The following STRBP variants were observed in gnomAD, a reference collection of about 807,000 sequenced individuals.
STRBP encodes spermatid perinuclear RNA binding protein.
In STRBP, 13 loss-of-function variants were observed where a neutral mutation model predicts 80.1. The observed-to-expected ratio is 0.16, with a 90% CI of 0.11 to 0.26. The LOEUF (loss-of-function observed/expected upper bound fraction) is 0.26, where lower values mean the gene tolerates loss of function less well. Ranked by LOEUF, STRBP falls within the 10% of genes least tolerant of loss-of-function variation. The probability of loss-of-function intolerance (pLI) is 1.00; values close to 1 mark genes in which losing one functional copy is unlikely to be tolerated. For synonymous variants in STRBP, 284 were observed against 291.2 expected, an observed-to-expected ratio of 0.98 and a Z score of 0.25; for missense variants, 485 against 815.2, an observed-to-expected ratio of 0.59 and a Z score of 4.93.
In STRBP at chr9:123,122,455, A is replaced by G; in HGVS notation, c.*3142T>C. On this transcript the variant is annotated 3_prime_UTR_variant, in exon 19 of 19. Transcript: ENST00000348403. ...CACCCAAAATTAAAAAAAAAAAAAA[A>G]AAGAAAAGGCCAATACCAGCAAAAT... The G allele has an allele frequency of 8.2e-7, 1 of 1,217,142 alleles. No homozygotes were observed. The highest frequency in any genetic ancestry group is 1.0e-6 in the Non-Finnish European group (1 of 961,270). The allele number at this position is 1,217,142 out of a possible 1,614,324, so 75.4% of individuals were successfully genotyped here. A position where few individuals can be genotyped will look rare whatever the true frequency, so the allele number is the denominator to read the frequency against.
intron 14 of STRBP, among the ~76,000 whole-genome samples, chr9:123,138,625 C>T (rs1428731992): frequency 6.6e-6 from 1 of 152,166 alleles, no homozygotes; most frequent in East Asian, 1.9e-4. Context: ...CTCACAACCC[C>T]TTCCTCCTTC....
chr9:123,189,202 C>A (rs1405843575), intron 2 of STRBP, among the ~76,000 whole-genome samples: 5 of 150,622 alleles, frequency 3.3e-5, no homozygotes, highest in Non-Finnish European at 7.4e-5. Flanking sequence ...AGCAAACTAT[C>A]GCAAGGACAG....
intron 1 of STRBP, among the ~76,000 whole-genome samples, chr9:123,237,946 G>A (rs1378987558): frequency 6.6e-6 from 1 of 152,188 alleles, no homozygotes; most frequent in Non-Finnish European, 1.5e-5. Flanking sequence ...AAGTCAGATT[G>A]CCTGGGTTCA....
chr9:123,200,571 T>C (rs2039279731), intron 2 of STRBP, among the ~76,000 whole-genome samples: 1 of 135,836 alleles, frequency 7.4e-6, no homozygotes, highest in East Asian at 2.2e-4. Context: ...TTTTTTTGTC[T>C]TTTTTTTTTT....
chr9:123,217,837 G>A lies in STRBP; in HGVS notation c.-165+18993C>T, dbSNP rs185072958. Among the ~76,000 whole-genome samples the A allele has an allele frequency of 2.2e-4, 33 of 152,254 alleles. No individual in the cohort carries two copies. In the East Asian group the frequency reaches 4.2e-3, roughly 20 times the overall value. ...CCACACTGGCTTCTCTGCCACATAC[G>A]TTTGCTTTTCAACTTCTTAAAGATT... On this transcript the variant is annotated intron_variant, in intron 2 of 18. Coordinates refer to ENST00000348403, the MANE Select transcript of STRBP (RefSeq NM_018387.5).
At chr9:123,193,588 A>G (rs1182431450) in intron 2 of STRBP, among the ~76,000 whole-genome samples, 8 of 152,124 alleles carry the variant, frequency 5.3e-5, no homozygotes, top group Admixed American at 5.2e-4. Context: ...CCCTTCTAAA[A>G]TTCAGGCTTC....
rs562786240 is a variant in STRBP at position 123,179,028 on chromosome 9, T to C, written c.203A>G (p.Glu68Gly). ...TEGETEVKKD[E>G]AGENYSKDQG... ...TCACTTGGAATAGTTTTCTCCGGCC[T>C]CATCTTTCTTCACTTCTGTCTCACC... Residue 68 changes from glutamate (E) to glycine (G), a missense_variant, in exon 4 of 19, where the codon GAG becomes GGG. Coordinates refer to ENST00000348403, the MANE Select transcript of STRBP (RefSeq NM_018387.5). 1 of 1,614,096 alleles carries C rather than the reference T, an allele frequency of 6.2e-7. No homozygotes were observed. The highest frequency in any genetic ancestry group is 1.1e-5 in the South Asian group (1 of 91,070).
intron 13 of STRBP, among the ~76,000 whole-genome samples, chr9:123,142,547 G>T (rs1392359346): frequency 1.3e-5 from 2 of 152,140 alleles, no homozygotes; most frequent in African/African-American, 4.8e-5. Flanking sequence ...CCTGCTCTGA[G>T]CAAGAATCCT....
At chr9:123,119,738 G>A (rs116908184), downstream of STRBP, among the ~76,000 whole-genome samples, 26 of 152,182 alleles carry the variant, frequency 1.7e-4, no homozygotes, top group East Asian at 4.3e-3. Context: ...AACATTCACT[G>A]AGTACGTACT....
rs535047962 is a variant in STRBP, at chr9:123,241,111, G to A, written c.-301-4145C>T. 9.7e-4 allele frequency among the ~76,000 whole-genome samples: 147 copies of A among 151,548 alleles called. 1 individual carries two copies. The highest frequency in any genetic ancestry group is 1.2e-3 in the Non-Finnish European group (84 of 67,890). On this transcript the variant is annotated intron_variant, in intron 1 of 18. Transcript: ENST00000348403. ...GGAGAATCACTTGAACCCAGGTGGC[G>A]GAGGTTGCGGTGAGCCAAGATCACA...
chr9:123,212,885 T>A (rs1032117525), intron 2 of STRBP, among the ~76,000 whole-genome samples: 1 of 152,228 alleles, frequency 6.6e-6, no homozygotes, highest in South Asian at 2.1e-4. Flanking sequence ...AGGGCCAGAC[T>A]CATAAATTTT....
chr9:123,267,464 C>T (rs2041294769), intron 1 of STRBP, among the ~76,000 whole-genome samples: 1 of 151,770 alleles, frequency 6.6e-6, no homozygotes, highest in South Asian at 2.1e-4. Flanking sequence ...CCCTGAGCAC[C>T]AGATACCTGC....
At chr9:123,200,122 A>G (rs2039260279) in intron 2 of STRBP, among the ~76,000 whole-genome samples, 1 of 152,106 alleles carries the variant, frequency 6.6e-6, no homozygotes, top group South Asian at 2.1e-4. Context: ...TTCTGCATCT[A>G]TTGAGATGAT....
chr9:123,168,643 C>A (rs927956825), intron 6 of STRBP, among the ~76,000 whole-genome samples: 1 of 152,116 alleles, frequency 6.6e-6, no homozygotes, highest in African/African-American at 2.4e-5. Context: ...AGCAATGGGA[C>A]TTGTTGAAAG....
chr9:123,200,762 T>TTTTTTTTTTTTTTTTTTTTA (rs1554762956), intron 2 of STRBP, among the ~76,000 whole-genome samples: 1 of 133,486 alleles, frequency 7.5e-6, no homozygotes, highest in African/African-American at 2.9e-5. Context: ...TTTTTTTTTT[T>TTTTTTTTTTTTTTTTTTTTA]AGTAGAGACC....
intron 2 of STRBP, among the ~76,000 whole-genome samples, chr9:123,188,174 T>C (rs138149326): frequency 5.5e-4 from 84 of 152,336 alleles, no homozygotes; most frequent in Non-Finnish European, 1.1e-3. Flanking sequence ...ATTTAAGGTT[T>C]CTCCATCTTT....
intron 1 of STRBP, among the ~76,000 whole-genome samples, chr9:123,240,909 G>C (rs2040680224): frequency 6.6e-6 from 1 of 152,194 alleles, no homozygotes; most frequent in East Asian, 1.9e-4. Flanking sequence ...GCCGGGCATG[G>C]TGGCTCACAC....
At chr9:123,125,737 T>C in intron 18 of STRBP, 64 bp from the exon 19 acceptor site, 2 of 1,305,782 alleles carry the variant, frequency 1.5e-6, no homozygotes, top group Non-Finnish European at 1.1e-6. Context: ...AAATTTCAGG[T>C]AAAAAAATAT....
intron 17 of STRBP, among the ~76,000 whole-genome samples, chr9:123,130,422 C>T (rs185981516): frequency 5.9e-5 from 9 of 152,188 alleles, no homozygotes; most frequent in East Asian, 1.9e-4. Context: ...AGAGGAGTCA[C>T]TATAGAGTAA....
Sources: gnomAD v4.1 joint callset for allele counts (sites outside exome capture counted in the v4.1 genomes callset) on GRCh38, gnomAD v4.1.1 for gene constraint, MANE v1.5 for transcripts, NCBI Gene and HGNC (gene_info 2026-07-23, HGNC 2026-07-21) for gene names.